Variants in IL23R observed in about 807,000 individuals in gnomAD.
IL23R encodes the protein interleukin 23 receptor.
A neutral mutation model predicts 56.9 loss-of-function variants in IL23R; 34 were observed. That is an observed-to-expected ratio of 0.60 (90% CI 0.45 to 0.80). IL23R has a LOEUF of 0.80. Among genes scored for constraint, IL23R ranks in the 30% least tolerant of loss-of-function variants. IL23R has a pLI of 0.00. For missense variants in IL23R, 635 were observed against 730.0 expected, an observed-to-expected ratio of 0.87 and a Z score of 1.50; for synonymous variants, 230 against 249.2, an observed-to-expected ratio of 0.92 and a Z score of 0.73.
At chr1:67,153,734 A>G (rs1392987867) in intron 1 of IL23R, among the ~76,000 whole-genome samples, 1 of 151,620 alleles carries the variant, frequency 6.6e-6, no homozygotes, top group Non-Finnish European at 1.5e-5. Context: ...CAGGTTGTTC[A>G]GTTTCCATGT....
chr1:67,154,197 T>G (rs976917079), intron 1 of IL23R, among the ~76,000 whole-genome samples: 9 of 152,236 alleles, frequency 5.9e-5, no homozygotes, highest in African/African-American at 2.2e-4. Flanking sequence ...TATTTTAGAA[T>G]AAGTGTCATG....
At chr1:67,152,501 G>T (rs1646737379) in intron 1 of IL23R, among the ~76,000 whole-genome samples, 1 of 152,208 alleles carries the variant, frequency 6.6e-6, no homozygotes. Context: ...TTGAATTGGA[G>T]TGGTGAGAGG....
At chr1:67,183,224 C>A (rs1271600000) in intron 4 of IL23R, among the ~76,000 whole-genome samples, 1 of 152,196 alleles carries the variant, frequency 6.6e-6, no homozygotes, top group East Asian at 1.9e-4. Flanking sequence ...AATGGTGGTA[C>A]AGCCTAGCAC....
At chr1:67,193,050 C>T (rs1647866222) in intron 4 of IL23R, among the ~76,000 whole-genome samples, 1 of 152,152 alleles carries the variant, frequency 6.6e-6, no homozygotes, top group Non-Finnish European at 1.5e-5. Flanking sequence ...TGTCTTTAAT[C>T]CCTTTCCTAG....
At chr1:67,263,132 T>TTTTTA (rs149532441), downstream of IL23R, among the ~76,000 whole-genome samples, 2 of 139,596 alleles carry the variant, frequency 1.4e-5, 1 homozygote, top group Non-Finnish European at 3.1e-5. Flanking sequence ...TTTTTTTTTT[T>TTTTTA]AACAGGTCAC....
chr1:67,242,433 A>G (rs1028840282), intron 9 of IL23R, among the ~76,000 whole-genome samples: 1 of 149,634 alleles, frequency 6.7e-6, no homozygotes, highest in Admixed American at 6.6e-5. Flanking sequence ...CATAAGCAAG[A>G]AAAAAAATAT....
At chr1:67,224,896 A>G (rs1011256721) in intron 7 of IL23R, among the ~76,000 whole-genome samples, 2 of 152,152 alleles carry the variant, frequency 1.3e-5, no homozygotes, top group South Asian at 2.1e-4. Context: ...TTTACATATG[A>G]ATTGTTCTTT....
downstream of IL23R, among the ~76,000 whole-genome samples, chr1:67,261,290 C>A (rs1019815934): frequency 6.6e-6 from 1 of 150,670 alleles, no homozygotes; most frequent in Non-Finnish European, 1.5e-5. Flanking sequence ...TAATGTCCAG[C>A]ATGTAAGTAA....
chr1:67,141,935 A>G (rs1469283582), intron 1 of IL23R, among the ~76,000 whole-genome samples: 1 of 152,192 alleles, frequency 6.6e-6, no homozygotes, highest in Non-Finnish European at 1.5e-5. Context: ...GAAGGGAGAA[A>G]CAAAGACAGT....
chr1:67,203,874 C>T (rs1648808420), intron 5 of IL23R, among the ~76,000 whole-genome samples: 1 of 152,190 alleles, frequency 6.6e-6, no homozygotes, highest in East Asian at 1.9e-4. Flanking sequence ...ATGCTTTTAA[C>T]TTCTCTTGTA....
chr1:67,200,957 A>G, intron 5 of IL23R, 60 bp downstream of exon 5: 1 of 1,533,010 alleles, frequency 6.5e-7, no homozygotes, highest in South Asian at 1.1e-5. Flanking sequence ...GACCTTGTCA[A>G]ATGAGGTCTA....
intron 6 of IL23R, among the ~76,000 whole-genome samples, chr1:67,209,308 G>A (rs983206799): frequency 6.6e-6 from 1 of 152,186 alleles, no homozygotes; most frequent in Non-Finnish European, 1.5e-5. Context: ...GTTTTGAAAT[G>A]TGAGGACACG....
intron 6 of IL23R, among the ~76,000 whole-genome samples, chr1:67,211,741 A>C (rs1347777333): frequency 6.6e-6 from 1 of 152,222 alleles, no homozygotes; most frequent in Non-Finnish European, 1.5e-5. Flanking sequence ...TCTCTGAATA[A>C]GTTTTCAGAA....
intron 4 of IL23R, among the ~76,000 whole-genome samples, chr1:67,189,015 T>C (rs1426335099): frequency 6.6e-6 from 1 of 152,132 alleles, no homozygotes; most frequent in African/African-American, 2.4e-5. Context: ...TGTAAAGCCA[T>C]AAAAATTATT....
At chr1:67,218,358 G>GTGTGTATATA (rs1553293307) in intron 6 of IL23R, among the ~76,000 whole-genome samples, 3 of 137,860 alleles carry the variant, frequency 2.2e-5, no homozygotes, top group Admixed American at 7.5e-5. Flanking sequence ...GTGTGTGTGT[G>GTGTGTATATA]TATATATATA....
intron 8 of IL23R, among the ~76,000 whole-genome samples, 190 bp downstream of exon 8, chr1:67,236,992 G>T (rs1570905243): frequency 6.6e-6 from 1 of 152,024 alleles, no homozygotes; most frequent in East Asian, 1.9e-4. Context: ...GGCTTAGGTG[G>T]ATTTTGCCGG....
chr1:67,236,353 T>G (rs1418416041), intron 7 of IL23R, among the ~76,000 whole-genome samples: 1 of 152,240 alleles, frequency 6.6e-6, no homozygotes, highest in East Asian at 1.9e-4. Context: ...GCACCATCAA[T>G]TGCAAGGAAT....
intron 1 of IL23R, 72 bp from the exon 2 acceptor site, chr1:67,168,020 G>C: frequency 1.2e-6 from 1 of 851,190 alleles, no homozygotes; most frequent in Non-Finnish European, 2.0e-6. Flanking sequence ...TAATTCTTAG[G>C]GAAAAATGTT....
chr1:67,222,606 A>G (rs1403184900), intron 7 of IL23R, among the ~76,000 whole-genome samples: 1 of 152,094 alleles, frequency 6.6e-6, no homozygotes, highest in Non-Finnish European at 1.5e-5. Flanking sequence ...ATTGATAACT[A>G]CCATTTATCA....
Sources: allele counts gnomAD v4.1 joint callset (sites outside exome capture counted in the v4.1 genomes callset), GRCh38; gene constraint gnomAD v4.1.1; transcripts MANE v1.5; gene names NCBI Gene and HGNC (gene_info 2026-07-23, HGNC 2026-07-21).